ATP8A1: variants seen among roughly 807,000 people sequenced by gnomAD.
The protein encoded by ATP8A1 is phospholipid-transporting ATPase IA.
In ATP8A1, 90 loss-of-function variants were observed where a neutral mutation model predicts 177.7. The ratio of observed to expected loss-of-function variants is 0.51; its 90% confidence interval spans 0.43 to 0.60. ATP8A1 has a LOEUF of 0.60. ATP8A1 is among the 20% of genes least tolerant of loss of function. The pLI is 0.00. For synonymous variants in ATP8A1, 493 were observed against 485.9 expected (o/e 1.01, Z -0.19); for missense variants, 1,072 against 1,392.8 (o/e 0.77, Z 3.67).
intron 33 of ATP8A1, among the ~76,000 whole-genome samples, chr4:42,425,037 T>G (rs1435518813): frequency 1.3e-5 from 2 of 152,146 alleles, no homozygotes; most frequent in Non-Finnish European, 2.9e-5. Flanking sequence ...CAACAATAAC[T>G]GTGTAATAGG....
At chr4:42,487,356 T>C (rs892672700) in intron 24 of ATP8A1, among the ~76,000 whole-genome samples, 3 of 152,142 alleles carry the variant, frequency 2.0e-5, no homozygotes, top group Non-Finnish European at 2.9e-5. Flanking sequence ...CCACATCCTA[T>C]AGATTCTTCC....
chr4:42,527,883 G>A (rs963250885), intron 20 of ATP8A1, among the ~76,000 whole-genome samples: 1 of 152,112 alleles, frequency 6.6e-6, no homozygotes, highest in Non-Finnish European at 1.5e-5. Context: ...CTAGAGGAAG[G>A]ACTCCACTAC....
chr4:42,460,152 C>T (rs147898643), intron 27 of ATP8A1, among the ~76,000 whole-genome samples: 64 of 152,228 alleles, frequency 4.2e-4, no homozygotes, highest in African/African-American at 1.4e-3. Context: ...ACCAAACTGC[C>T]TGTACACTTC....
chr4:42,504,204 C>T (rs1724134764), intron 23 of ATP8A1, among the ~76,000 whole-genome samples: 1 of 152,148 alleles, frequency 6.6e-6, no homozygotes, highest in Non-Finnish European at 1.5e-5. Flanking sequence ...TAAATGTTGA[C>T]CATTTTGAAA....
At chr4:42,460,676 C>T (rs868432345) in intron 27 of ATP8A1, among the ~76,000 whole-genome samples, 50 of 152,312 alleles carry the variant, frequency 3.3e-4, no homozygotes, top group African/African-American at 1.1e-3. Flanking sequence ...CGTGAGCCAA[C>T]GCACCCAGCC....
Position 42,444,515 on chromosome 4 carries a change from A to G in ATP8A1, c.3015+63T>C, listed in dbSNP as rs16854376. ...TCAAGTTAGAGTGAAGACCACCACC[A>G]AGACTGGAGATAATGCACAAGTAAA... On this transcript the variant is annotated intron_variant, in intron 32 of 36. Coordinates refer to ENST00000381668, the MANE Select transcript of ATP8A1 (RefSeq NM_006095.2). The G allele has an allele frequency of 1.6e-3, 2,337 of 1,497,364 alleles. 36 individuals carry two copies. The African/African-American group carries it at 0.029, about 19-fold the overall frequency. 92.8% of individuals were successfully genotyped at this position (1,497,364 alleles called of 1,614,324 possible).
Position 42,579,969 on chromosome 4 carries a change from T to C in ATP8A1, c.844A>G (p.Ser282Gly), listed in dbSNP as rs1303156480. 3.1e-6 allele frequency: 5 copies of C among 1,600,554 alleles called. No individual in the cohort carries two copies. Among genetic ancestry groups the C allele is most frequent in the Non-Finnish European group, 4.3e-6 (5 of 1,173,522 alleles). The change falls in exon 11 of 37, where the codon AGT (serine) becomes GGT (glycine). Residue 282 changes from serine to glycine, a missense_variant. By Grantham distance (56) the Ser-to-Gly change is moderately conservative (BLOSUM62 0). Transcript: ENST00000381668. ...HDTKLMQNSTSPPLKLSNVER... is the reference protein window; with the variant it reads ...HDTKLMQNSTGPPLKLSNVER... ...ACATTTGAGAGCTTAAGTGGTGGAC[T>C]TGTTGAATTCTGTAAAAAGAAACAA...
At chr4:42,602,136 G>A (rs563066348) in intron 5 of ATP8A1, among the ~76,000 whole-genome samples, 2 of 152,274 alleles carry the variant, frequency 1.3e-5, no homozygotes, top group Admixed American at 6.5e-5. Context: ...TTCCAAGCTA[G>A]AGAGAGCTCA....
chr4:42,477,192 T>C (rs1186340170), intron 25 of ATP8A1, among the ~76,000 whole-genome samples: 1 of 152,196 alleles, frequency 6.6e-6, no homozygotes, highest in Admixed American at 6.5e-5. Context: ...AATAAGTGAA[T>C]GAATAAATTT....
At chr4:42,614,968 T>C (rs1486771100) in intron 5 of ATP8A1, among the ~76,000 whole-genome samples, 1 of 152,232 alleles carries the variant, frequency 6.6e-6, no homozygotes, top group African/African-American at 2.4e-5. Context: ...ATAGAAACTA[T>C]GATTTGCCAC....
intron 22 of ATP8A1, among the ~76,000 whole-genome samples, chr4:42,517,493 T>G (rs189956868): frequency 2.6e-5 from 4 of 151,954 alleles, no homozygotes; most frequent in Admixed American, 2.6e-4. Context: ...GACTAAGAGG[T>G]GTTACTGTCC....
intron 2 of ATP8A1, 30 bp downstream of exon 2, chr4:42,626,964 TG>T: frequency 6.5e-7 from 1 of 1,536,776 alleles, no homozygotes; most frequent in Non-Finnish European, 9.0e-7. Flanking sequence ...CTCTGCTGGC[TG>T]GTCTCATGGC....
intron 6 of ATP8A1, among the ~76,000 whole-genome samples, chr4:42,591,403 A>G (rs1734164923): frequency 6.6e-6 from 1 of 152,192 alleles, no homozygotes; most frequent in South Asian, 2.1e-4. Flanking sequence ...TTTAAAGTTA[A>G]TTGAATAAAT....
intron 14 of ATP8A1, among the ~76,000 whole-genome samples, 189 bp downstream of exon 14, chr4:42,574,430 C>G (rs866167846): frequency 6.6e-6 from 1 of 152,096 alleles, no homozygotes; most frequent in Non-Finnish European, 1.5e-5. Flanking sequence ...CTCATGTCAT[C>G]CCAAATGAAA....
intron 25 of ATP8A1, among the ~76,000 whole-genome samples, chr4:42,466,907 A>G (rs1719835651): frequency 6.6e-6 from 1 of 152,254 alleles, no homozygotes; most frequent in Non-Finnish European, 1.5e-5. Context: ...AGGAATGCTC[A>G]CCAATAAATG....
At chr4:42,473,835 G>A (rs893584060) in intron 25 of ATP8A1, among the ~76,000 whole-genome samples, 1 of 79,942 alleles carries the variant, frequency 1.3e-5, no homozygotes, top group African/African-American at 4.7e-5. Flanking sequence ...TTTTTTTTTT[G>A]TAGAGATGGA....
intron 20 of ATP8A1, among the ~76,000 whole-genome samples, chr4:42,525,273 C>T (rs1444784809): frequency 1.1e-4 from 16 of 152,142 alleles, no homozygotes; most frequent in Non-Finnish European, 2.9e-5. Context: ...GAATAATCCT[C>T]GGGGACTTTA....
chr4:42,504,536 G>C (rs968742045), intron 23 of ATP8A1, among the ~76,000 whole-genome samples: 4 of 152,142 alleles, frequency 2.6e-5, no homozygotes, highest in African/African-American at 9.7e-5. Context: ...AACACATCAA[G>C]AACCTAACAA....
At chr4:42,469,864 C>A (rs371019629) in intron 25 of ATP8A1, among the ~76,000 whole-genome samples, 2 of 152,238 alleles carry the variant, frequency 1.3e-5, no homozygotes, top group South Asian at 2.1e-4. Flanking sequence ...GAGTCTAGAA[C>A]TACCTTACCA....
Sources: allele counts gnomAD v4.1 joint callset (sites outside exome capture counted in the v4.1 genomes callset), GRCh38; gene constraint gnomAD v4.1.1; transcripts MANE v1.5; gene names NCBI Gene and HGNC (gene_info 2026-07-23, HGNC 2026-07-21).